PTPRN2: variants seen among roughly 807,000 people sequenced by gnomAD.
PTPRN2 encodes receptor-type tyrosine-protein phosphatase N2.
A neutral mutation model predicts 118.8 loss-of-function variants in PTPRN2; 74 were observed. That is an observed-to-expected ratio of 0.62 (90% CI 0.52 to 0.76). PTPRN2 has a LOEUF of 0.76. Ranked by LOEUF, PTPRN2 falls within the 30% of genes least tolerant of loss-of-function variation. The pLI is 0.00. For missense variants in PTPRN2, 1,481 were observed against 1,394.4 expected, an observed-to-expected ratio of 1.06 and a Z score of -0.99; for synonymous variants, 641 against 608.0, an observed-to-expected ratio of 1.05 and a Z score of -0.80.
At chr7:158,054,085 G>A (rs899940729) in intron 11 of PTPRN2, among the ~76,000 whole-genome samples, 1 of 151,934 alleles carries the variant, frequency 6.6e-6, no homozygotes, top group Non-Finnish European at 1.5e-5. Context: ...CCCCAGTGAT[G>A]CAGAGACTCC....
intron 12 of PTPRN2, among the ~76,000 whole-genome samples, chr7:157,726,197 C>G (rs989467285): frequency 7.6e-6 from 1 of 132,384 alleles, no homozygotes; most frequent in Non-Finnish European, 1.6e-5. Flanking sequence ...GCCAGACTCT[C>G]GCCTCCCAGG....
chr7:157,642,886 C>G (rs993922517), intron 14 of PTPRN2, among the ~76,000 whole-genome samples: 6 of 142,234 alleles, frequency 4.2e-5, no homozygotes, highest in Non-Finnish European at 7.6e-5. Context: ...GTGCCATTTA[C>G]CTAAGCCAAT....
intron 11 of PTPRN2, among the ~76,000 whole-genome samples, chr7:158,067,683 G>A (rs1585319001): frequency 6.6e-6 from 1 of 152,144 alleles, no homozygotes; most frequent in Non-Finnish European, 1.5e-5. Context: ...AAAGCTGCCA[G>A]AGACAAGGCG....
chr7:157,874,225 C>G lies in PTPRN2; in HGVS notation c.1788+24448G>C, dbSNP rs1412647599. Reference sequence around the variant, plus strand: ...CTCTGTTTCCCCCTCCACAACTGGGCAGGCTGCTCCCTTCACCCCAACACT... The same window carrying G: ...CTCTGTTTCCCCCTCCACAACTGGGGAGGCTGCTCCCTTCACCCCAACACT... On this transcript the variant is annotated intron_variant, in intron 12 of 22. Transcript: ENST00000389418. This position sits in a 1 kb window ranked among gnomAD's most constrained non-coding sequence, Gnocchi z 5.8. Among the ~76,000 whole-genome samples, 3 of 152,298 alleles carry G rather than the reference C, an allele frequency of 2.0e-5. No individual in the cohort carries two copies. The highest frequency in any genetic ancestry group is 6.5e-5 in the Admixed American group (1 of 15,308).
chr7:158,029,585 C>CACAGCAAAT (rs1807536891), intron 11 of PTPRN2: 1 of 152,446 alleles, frequency 6.6e-6, no homozygotes, highest in Non-Finnish European at 1.5e-5. Context: ...TGCCCATCCA[C>CACAGCAAAT]ACAGCAAATA....
chr7:158,119,382 A>C (rs1171584697), intron 9 of PTPRN2, among the ~76,000 whole-genome samples: 2 of 152,148 alleles, frequency 1.3e-5, no homozygotes, highest in Non-Finnish European at 2.9e-5. Flanking sequence ...GAAAATAGTA[A>C]ACGTTGGCAA....
At chr7:158,252,821 C>T (rs1360407983) in intron 3 of PTPRN2, among the ~76,000 whole-genome samples, 1 of 152,142 alleles carries the variant, frequency 6.6e-6, no homozygotes, top group Non-Finnish European at 1.5e-5. Context: ...TCCAATCCTC[C>T]CCAACATGAG....
chr7:158,341,420 C>T (rs1806754228), intron 2 of PTPRN2, among the ~76,000 whole-genome samples: 1 of 149,770 alleles, frequency 6.7e-6, no homozygotes, highest in African/African-American at 2.5e-5. Context: ...GCAGAGGTCA[C>T]TCACACCCAC....
chr7:157,978,491 C>G (rs1215157786), intron 11 of PTPRN2, among the ~76,000 whole-genome samples: 5 of 152,022 alleles, frequency 3.3e-5, no homozygotes, highest in Non-Finnish European at 5.9e-5. Context: ...GAGCTCAAGA[C>G]AGTTTCTGGC....
chr7:158,039,172 G>T (rs1216974503), intron 11 of PTPRN2, among the ~76,000 whole-genome samples: 1 of 152,154 alleles, frequency 6.6e-6, no homozygotes, highest in Admixed American at 6.6e-5. Context: ...AGATCTAAAG[G>T]TATCTGCGTG....
At chr7:157,932,154 A>G (rs1478127667) in intron 11 of PTPRN2, among the ~76,000 whole-genome samples, 1 of 152,210 alleles carries the variant, frequency 6.6e-6, no homozygotes, top group Non-Finnish European at 1.5e-5. Flanking sequence ...ATTTTCCCTT[A>G]GTTCTAAATA....
At position 157,977,288 on chromosome 7, in the gene PTPRN2, C is replaced by T. The variant is rs1161500396; in HGVS notation, c.1724-78551G>A. On this transcript the variant is annotated intron_variant, in intron 11 of 22. Transcript: ENST00000389418. The surrounding 1 kb of genome is among the most constrained non-coding windows in gnomAD (Gnocchi z 4.6). The stretch of plus-strand genomic sequence containing the variant: ...ATGGAACTCACCATCTGTGGTGGCA[C>T]TGATCCAAATTCAATGAACAAGGTG... Among the ~76,000 whole-genome samples, 1 of 151,934 alleles carries T rather than the reference C, an allele frequency of 6.6e-6. No homozygotes were observed. Among genetic ancestry groups the T allele is most frequent in the Non-Finnish European group, 1.5e-5 (1 of 67,968 alleles).
Position 158,015,745 on chromosome 7 carries a change from A to G in PTPRN2, c.1723+65553T>C, listed in dbSNP as rs909129390. On this transcript the variant is annotated intron_variant, in intron 11 of 22. Coordinates refer to ENST00000389418, the MANE Select transcript of PTPRN2 (RefSeq NM_002847.5). The surrounding 1 kb of genome is among the most constrained non-coding windows in gnomAD (Gnocchi z 4.2). Reference sequence around the variant, plus strand: ...TATTATTAGGAGTTCAAAACAAATCACAAACATGTCTGTCTATTACAATTG... The same window carrying G: ...TATTATTAGGAGTTCAAAACAAATCGCAAACATGTCTGTCTATTACAATTG... Among the ~76,000 whole-genome samples, 2 of 152,262 alleles carry G rather than the reference A, an allele frequency of 1.3e-5. No homozygotes were observed. Among genetic ancestry groups the G allele is most frequent in the African/African-American group, 4.8e-5 (2 of 41,472 alleles).
chr7:158,076,836 G>A (rs1012769291), intron 11 of PTPRN2, among the ~76,000 whole-genome samples: 4 of 152,206 alleles, frequency 2.6e-5, no homozygotes, highest in Non-Finnish European at 5.9e-5. Flanking sequence ...TGGCACCGGG[G>A]TTGGGGGGAG....
chr7:158,122,333 TG>T (rs1245729020), intron 9 of PTPRN2, among the ~76,000 whole-genome samples: 4 of 152,192 alleles, frequency 2.6e-5, no homozygotes, highest in Admixed American at 1.3e-4. Flanking sequence ...ATCAGCCACA[TG>T]GGAGGCCCTA....
At chr7:158,284,078 T>C (rs1286218849) in intron 3 of PTPRN2, among the ~76,000 whole-genome samples, 2 of 152,264 alleles carry the variant, frequency 1.3e-5, no homozygotes, top group Admixed American at 6.5e-5. Context: ...TTTTCCAACA[T>C]GGACTGATGC....
intron 2 of PTPRN2, among the ~76,000 whole-genome samples, chr7:158,327,329 A>C: frequency 6.6e-6 from 1 of 151,080 alleles, no homozygotes; most frequent in Non-Finnish European, 1.5e-5. Context: ...TCACATGCAC[A>C]CACGTGCTCA....
At chr7:157,722,105 A>G (rs1799271497) in intron 12 of PTPRN2, among the ~76,000 whole-genome samples, 4 of 152,136 alleles carry the variant, frequency 2.6e-5, no homozygotes, top group Non-Finnish European at 4.4e-5. Context: ...ATGAGGTTAC[A>G]GTGAGCCCCT....
intron 9 of PTPRN2, among the ~76,000 whole-genome samples, chr7:158,117,537 G>A (rs1287367104): frequency 6.6e-6 from 1 of 152,164 alleles, no homozygotes. Context: ...AACTTCCCAA[G>A]TTTGATGAAA....
Sources: gnomAD v4.1 joint callset for allele counts (sites outside exome capture counted in the v4.1 genomes callset) on GRCh38, gnomAD v4.1.1 for gene constraint, Gnocchi (gnomAD v3.1) non-coding constraint, MANE v1.5 for transcripts, NCBI Gene and HGNC (gene_info 2026-07-23, HGNC 2026-07-21) for gene names.